Variants in HHLA2 observed in about 807,000 individuals in gnomAD.
HHLA2 encodes HERV-H LTR-associating protein 2.
Under a neutral mutation model 45.9 loss-of-function variants are expected in HHLA2, and 48 were observed. The ratio of observed to expected loss-of-function variants is 1.05; its 90% CI spans 0.83 to 1.33. HHLA2 has a LOEUF of 1.33. Ranked by LOEUF, HHLA2 falls within the 40% of genes most tolerant of loss-of-function variation. The pLI is 0.00. For missense variants in HHLA2, 462 were observed against 494.3 expected (o/e 0.93, Z 0.62); for synonymous variants, 161 against 173.9 (o/e 0.93, Z 0.59).
intron 3 of HHLA2, among the ~76,000 whole-genome samples, chr3:108,333,789 A>G (rs941410730): frequency 2.0e-5 from 3 of 152,142 alleles, no homozygotes; most frequent in South Asian, 2.1e-4. Context: ...TTCAAGTTTG[A>G]TGGCCTGATG....
intron 2 of HHLA2, among the ~76,000 whole-genome samples, chr3:108,318,549 T>C (rs1192891978): frequency 6.6e-6 from 1 of 152,176 alleles, no homozygotes; most frequent in Non-Finnish European, 1.5e-5. Flanking sequence ...GTCTAATTCC[T>C]GGAAATAAAA....
intron 8 of HHLA2, among the ~76,000 whole-genome samples, chr3:108,368,188 T>C (rs536061594): frequency 1.2e-3 from 181 of 152,122 alleles, no homozygotes; most frequent in African/African-American, 4.0e-3. Flanking sequence ...AGGCCTGCCT[T>C]ACAAGAGCTC....
chr3:108,340,869 G>C (rs2081553171), intron 3 of HHLA2, among the ~76,000 whole-genome samples: 2 of 148,642 alleles, frequency 1.3e-5, no homozygotes, highest in Non-Finnish European at 3.0e-5. Context: ...CAGGGGTCCT[G>C]GAGAGTAAAA....
intron 6 of HHLA2, 38 bp from the exon 6 acceptor site, chr3:108,357,806 T>C: frequency 6.7e-7 from 1 of 1,492,276 alleles, no homozygotes; most frequent in African/African-American, 1.4e-5. Flanking sequence ...TTGAAATGTT[T>C]ATCTTCATTG....
intron 8 of HHLA2, among the ~76,000 whole-genome samples, chr3:108,368,600 A>G (rs1186314061): frequency 6.6e-6 from 1 of 150,438 alleles, no homozygotes; most frequent in African/African-American, 2.4e-5. Context: ...TCTCTGATAA[A>G]ACAGACTTTA....
chr3:108,303,141 T>G (rs1256855510), intron 1 of HHLA2, among the ~76,000 whole-genome samples: 1 of 152,248 alleles, frequency 6.6e-6, no homozygotes, highest in Non-Finnish European at 1.5e-5. Flanking sequence ...GATCAACAGA[T>G]TCAATTCTGT....
Position 108,345,473 on chromosome 3 carries a change from A to G in HHLA2, c.-26-6315A>G, listed in dbSNP as rs142057531. On this transcript the variant is annotated intron_variant, in intron 3 of 10. Coordinates refer to ENST00000619531, the Ensembl canonical transcript of HHLA2. ...AATGTGTGGTATTGTTAAAATAACT[A>G]CTTTTATTGGACCCAATTTACGAGC... Among the ~76,000 whole-genome samples the G allele has an allele frequency of 1.5e-3, 222 of 152,320 alleles. 1 individual carries two copies. Among genetic ancestry groups the G allele is most frequent in the Non-Finnish European group, 2.4e-3 (165 of 68,034 alleles).
intron 8 of HHLA2, 33 bp downstream of exon 7, chr3:108,362,479 T>A: frequency 7.8e-7 from 1 of 1,277,744 alleles, no homozygotes; most frequent in Non-Finnish European, 1.1e-6. Flanking sequence ...GCCCCACGTG[T>A]TCCACATCAC....
At chr3:108,326,078 C>A in intron 2 of HHLA2, 2 of 276,232 alleles carry the variant, frequency 7.2e-6, no homozygotes, top group South Asian at 9.1e-5. Context: ...CCATACTGTT[C>A]AAAATTATTT....
chr3:108,296,764 A>G (rs2080767908), intron 1 of HHLA2, among the ~76,000 whole-genome samples, 165 bp downstream of exon 1: 1 of 152,262 alleles, frequency 6.6e-6, no homozygotes, highest in Admixed American at 6.5e-5. Context: ...GTGCATATGC[A>G]CCAAACAAAT....
chr3:108,357,879 C>T, exon 7 of HHLA2: 1 of 1,613,104 alleles, frequency 6.2e-7, no homozygotes, highest in Non-Finnish European at 8.5e-7. Context: ...ACACGTTTCA[C>T]TCTCATGTCA....
At chr3:108,329,700 G>A (rs1225440118) in intron 3 of HHLA2, among the ~76,000 whole-genome samples, 2 of 152,100 alleles carry the variant, frequency 1.3e-5, no homozygotes, top group Admixed American at 1.3e-4. Context: ...CTCGATGTCT[G>A]CCCCTCTCTT....
chr3:108,376,215 G>A (rs1248632142), intron 9 of HHLA2, among the ~76,000 whole-genome samples: 1 of 152,096 alleles, frequency 6.6e-6, no homozygotes, highest in African/African-American at 2.4e-5. Flanking sequence ...GCAGTTGGTA[G>A]GAACCAGGCC....
chr3:108,376,954 A>G, intron 10 of HHLA2: 1 of 373,558 alleles, frequency 2.7e-6, no homozygotes, highest in South Asian at 4.9e-5. Flanking sequence ...CTTCCTTTTT[A>G]CTGCATTCCT....
chr3:108,319,164 A>C (rs2081154508), intron 2 of HHLA2, among the ~76,000 whole-genome samples: 1 of 152,200 alleles, frequency 6.6e-6, no homozygotes, highest in Non-Finnish European at 1.5e-5. Flanking sequence ...CCTGGGTGGG[A>C]AAGAGGCAAA....
intron 6 of HHLA2, 117 bp from the exon 6 acceptor site, chr3:108,357,727 G>A: frequency 1.2e-6 from 1 of 838,282 alleles, no homozygotes; most frequent in East Asian, 2.5e-5. Flanking sequence ...TTTCCAAAAA[G>A]TTATTTCCAA....
chr3:108,343,960 T>A (rs1576146396), intron 3 of HHLA2, among the ~76,000 whole-genome samples: 1 of 152,198 alleles, frequency 6.6e-6, no homozygotes, highest in South Asian at 2.1e-4. Context: ...GGTCCCAGAT[T>A]ATGTGTGTTG....
At chr3:108,336,781 C>T (rs1017536168) in intron 3 of HHLA2, among the ~76,000 whole-genome samples, 2 of 151,394 alleles carry the variant, frequency 1.3e-5, no homozygotes, top group African/African-American at 2.4e-5. Context: ...AGCTCAAGAA[C>T]CAAGGTTCAG....
At chr3:108,327,810 AT>A (rs1415977353) in intron 2 of HHLA2, among the ~76,000 whole-genome samples, 1 of 152,024 alleles carries the variant, frequency 6.6e-6, no homozygotes. Context: ...GTGCCTGGCT[AT>A]TTTTTACTGT....
Sources: allele counts gnomAD v4.1 joint callset (sites outside exome capture counted in the v4.1 genomes callset), GRCh38; gene constraint gnomAD v4.1.1; transcripts MANE v1.5; gene names NCBI Gene and HGNC (gene_info 2026-07-23, HGNC 2026-07-21).